Variants in SEPTIN2 observed in about 807,000 individuals in gnomAD.
The protein encoded by SEPTIN2 is septin-2.
A neutral mutation model predicts 46.5 loss-of-function variants in SEPTIN2; 34 were observed. The ratio of observed to expected loss-of-function variants is 0.73; its 90% CI spans 0.56 to 0.97. The LOEUF (loss-of-function observed/expected upper bound fraction) is 0.97, where lower values mean the gene tolerates loss of function less well. SEPTIN2 is among the 50% of genes least tolerant of loss of function. The pLI is 0.00. For missense variants in SEPTIN2, 347 were observed against 448.4 expected (o/e 0.77, Z 2.04); for synonymous variants, 175 against 153.4 (o/e 1.14, Z -1.04).
rs144027946 is a variant in SEPTIN2, at chr2:241,337,714, A to G, written c.518A>G (p.Asn173Ser). ...LDVAFMKAIH[N>S]KVNIVPVIAK... ...GTGGCGTTTATGAAGGCAATACACAACAAGGTGAATATTGTGCCTGTCATT... is the reference window on the plus strand; with the variant it reads ...GTGGCGTTTATGAAGGCAATACACAGCAAGGTGAATATTGTGCCTGTCATT... The change falls in exon 7 of 13, where the codon AAC becomes AGC. Residue 173 changes from asparagine to serine, a missense_variant. Physicochemically the swap from Asn to Ser is conservative, Grantham distance 46. Coordinates refer to ENST00000391971, the MANE Select transcript of SEPTIN2 (RefSeq NM_004404.5). 6 of 1,614,008 alleles carry G rather than the reference A, an allele frequency of 3.7e-6. No homozygotes were observed. The African/African-American group carries it at 6.7e-5, about 18-fold the overall frequency.
intron 7 of SEPTIN2, among the ~76,000 whole-genome samples, chr2:241,339,716 G>C (rs1461903094): frequency 1.3e-5 from 2 of 152,106 alleles, no homozygotes; most frequent in Non-Finnish European, 2.9e-5. Context: ...GCTTTTGCTA[G>C]TGATACCCTC....
At position 241,316,593 on chromosome 2, in the gene SEPTIN2, A is replaced by G. The variant is rs12617442; in HGVS notation, c.-18+611A>G. The G allele has an allele frequency of 8.6e-3, 12,093 of 1,411,838 alleles. 328 individuals carry two copies. The highest frequency in any genetic ancestry group is 0.07 in the South Asian group (4,980 of 71,076). 87.5% of individuals were successfully genotyped at this position (1,411,838 alleles called of 1,614,324 possible). A position where few individuals can be genotyped will look rare whatever the true frequency, so the allele number is the denominator to read the frequency against. On this transcript the variant is annotated intron_variant, in intron 1 of 12. Coordinates refer to ENST00000391971, the MANE Select transcript of SEPTIN2 (RefSeq NM_004404.5). ...AGCAGGGGGTAGGGTATAGGGTTGGAGGCCGCCGAGTTGGCCCGGGGATGA... is the reference window on the plus strand; with the variant it reads ...AGCAGGGGGTAGGGTATAGGGTTGGGGGCCGCCGAGTTGGCCCGGGGATGA...
intron 8 of SEPTIN2, 149 bp from the exon 9 acceptor site, chr2:241,343,602 CT>C: frequency 1.2e-6 from 1 of 824,774 alleles, no homozygotes; most frequent in South Asian, 1.8e-5. Context: ...GTATCTGACA[CT>C]TTTCAAGAAA....
At chr2:241,348,107 A>G (rs1462777095) in intron 10 of SEPTIN2, 27 bp from the exon 11 acceptor site, 2 of 1,591,686 alleles carry the variant, frequency 1.3e-6, no homozygotes, top group East Asian at 2.2e-5. Context: ...TTGCAGTGTT[A>G]TGATTCTGAT....
At chr2:241,337,578 CTG>C (rs955258036) in intron 6 of SEPTIN2, 62 bp downstream of exon 6, 30 of 1,589,666 alleles carry the variant, frequency 1.9e-5, no homozygotes, top group African/African-American at 1.2e-4. Flanking sequence ...TTTACCCAAA[CTG>C]TGTATTTTAA....
At chr2:241,346,367 T>G (rs1161202808) in intron 10 of SEPTIN2, 118 bp downstream of exon 10, 3 of 619,810 alleles carry the variant, frequency 4.8e-6, no homozygotes, top group Non-Finnish European at 8.2e-6. Context: ...GGTTTCCTAC[T>G]CAAAAGTTAT....
intron 7 of SEPTIN2, among the ~76,000 whole-genome samples, chr2:241,342,075 A>G (rs2081323203): frequency 6.6e-6 from 1 of 152,238 alleles, no homozygotes; most frequent in Non-Finnish European, 1.5e-5. Context: ...AATGAAATAC[A>G]GATCCCCAGG....
At chr2:241,327,554 T>C (rs576980656) in intron 3 of SEPTIN2, among the ~76,000 whole-genome samples, 1 of 149,536 alleles carries the variant, frequency 6.7e-6, no homozygotes, top group South Asian at 2.1e-4. Context: ...TTGTGCAATT[T>C]TCAGCAAAGT....
chr2:241,334,938 T>C (rs2079675953), intron 3 of SEPTIN2, among the ~76,000 whole-genome samples, 188 bp from the exon 4 acceptor site: 1 of 152,198 alleles, frequency 6.6e-6, no homozygotes, highest in South Asian at 2.1e-4. Context: ...ACTCTGACCT[T>C]GGGCAAATTA....
intron 2 of SEPTIN2, chr2:241,324,733 C>T: frequency 5.2e-6 from 1 of 191,906 alleles, no homozygotes. Flanking sequence ...CAGGCTTCTA[C>T]TTTCTTTTCT....
At chr2:241,333,884 T>G (rs1388063843) in intron 3 of SEPTIN2, among the ~76,000 whole-genome samples, 1 of 152,170 alleles carries the variant, frequency 6.6e-6, no homozygotes, top group Admixed American at 6.6e-5. Flanking sequence ...AGGGTCTCAC[T>G]CTGTCACCTA....
At chr2:241,317,906 T>C (rs963534759) in intron 1 of SEPTIN2, among the ~76,000 whole-genome samples, 7 of 152,190 alleles carry the variant, frequency 4.6e-5, no homozygotes, top group Non-Finnish European at 1.0e-4. Context: ...ATAAACACGA[T>C]CTGAAGGAAC....
chr2:241,323,257 G>A (rs1384701317), intron 1 of SEPTIN2, among the ~76,000 whole-genome samples: 3 of 151,154 alleles, frequency 2.0e-5, no homozygotes, highest in Admixed American at 1.3e-4. Context: ...TGCAACCTCC[G>A]CCTCCCAGGT....
At chr2:241,350,462 T>G (rs571086780) in intron 12 of SEPTIN2, among the ~76,000 whole-genome samples, 268 of 152,344 alleles carry the variant, frequency 1.8e-3, no homozygotes, top group Non-Finnish European at 2.7e-3. Context: ...TGGGGTACAT[T>G]TGCAGGTTAT....
intron 10 of SEPTIN2, 200 bp downstream of exon 10, chr2:241,346,449 T>C (rs888984067): frequency 7.9e-6 from 3 of 379,816 alleles, no homozygotes; most frequent in Non-Finnish European, 9.6e-6. Flanking sequence ...TTTAATGATA[T>C]GCACGTAAAA....
intron 11 of SEPTIN2, 130 bp from the exon 12 acceptor site, chr2:241,349,943 T>G: frequency 1.3e-6 from 1 of 793,614 alleles, no homozygotes; most frequent in Non-Finnish European, 2.1e-6. Context: ...GTAAAAAGTC[T>G]TTATGTAATA....
intron 7 of SEPTIN2, among the ~76,000 whole-genome samples, chr2:241,338,894 T>TATATATAATATATATAATATATA (rs1559644194): frequency 1.3e-5 from 1 of 79,900 alleles, no homozygotes; most frequent in African/African-American, 5.3e-5. Context: ...TAATATATAT[T>TATATATAATATATATAATATATA]ATATATATTA....
At chr2:241,328,398 C>T (rs912529940) in intron 3 of SEPTIN2, among the ~76,000 whole-genome samples, 2 of 151,856 alleles carry the variant, frequency 1.3e-5, no homozygotes, top group Non-Finnish European at 2.9e-5. Flanking sequence ...CGCCACAGCA[C>T]TTTAGTCTGG....
intron 5 of SEPTIN2, 149 bp downstream of exon 5, chr2:241,336,247 T>C: frequency 1.2e-6 from 1 of 865,446 alleles, no homozygotes; most frequent in Non-Finnish European, 1.7e-6. Flanking sequence ...ATGTTGACTT[T>C]TTAAATAAGG....
Sources: gnomAD v4.1 joint callset for allele counts (sites outside exome capture counted in the v4.1 genomes callset) on GRCh38, gnomAD v4.1.1 for gene constraint, MANE v1.5 for transcripts, NCBI Gene and HGNC (gene_info 2026-07-23, HGNC 2026-07-21) for gene names.